The following LRRTM4 variants were observed in gnomAD, a reference collection of about 807,000 sequenced individuals.
LRRTM4 encodes the protein leucine rich repeat transmembrane neuronal 4, also known as leucine-rich repeat transmembrane neuronal protein 4.
LRRTM4 carries 25 observed loss-of-function variants against 47.6 expected under a neutral mutation model. The ratio of observed to expected loss-of-function variants is 0.53; its 90% CI spans 0.38 to 0.73. The LOEUF (loss-of-function observed/expected upper bound fraction) is 0.73, where lower values mean the gene tolerates loss of function less well. LRRTM4 is among the 30% of genes least tolerant of loss of function. The probability of loss-of-function intolerance (pLI) is 0.00; values close to 1 mark genes in which losing one functional copy is unlikely to be tolerated. For missense variants in LRRTM4, 638 were observed against 713.4 expected, an observed-to-expected ratio of 0.89 and a Z score of 1.20; for synonymous variants, 311 against 269.5, an observed-to-expected ratio of 1.15 and a Z score of -1.51.
chr2:77,442,309 T>A (rs1479467069), intron 3 of LRRTM4, among the ~76,000 whole-genome samples: 1 of 152,170 alleles, frequency 6.6e-6, no homozygotes, highest in African/African-American at 2.4e-5. Flanking sequence ...CATCATGTAT[T>A]TTCTTTGGCA....
At chr2:76,912,462 T>G (rs1251368673) in intron 3 of LRRTM4, among the ~76,000 whole-genome samples, 2 of 152,210 alleles carry the variant, frequency 1.3e-5, no homozygotes, top group African/African-American at 4.8e-5. Flanking sequence ...TGATCCACTT[T>G]AATTACTTTC....
chr2:77,073,400 AATT>A (rs199768113), intron 3 of LRRTM4, among the ~76,000 whole-genome samples: 2,405 of 150,476 alleles, frequency 0.016, 23 homozygotes, highest in Middle Eastern at 0.066. Context: ...TAAATACATT[AATT>A]ATTATTATCT....
intron 3 of LRRTM4, among the ~76,000 whole-genome samples, chr2:76,803,924 C>G (rs1171877923): frequency 6.6e-6 from 1 of 152,132 alleles, no homozygotes; most frequent in Non-Finnish European, 1.5e-5. Context: ...GACTAGCACG[C>G]AACAAAAACT....
At chr2:76,789,204 T>G (rs1014858157) in intron 3 of LRRTM4, among the ~76,000 whole-genome samples, 2 of 152,194 alleles carry the variant, frequency 1.3e-5, no homozygotes, top group African/African-American at 4.8e-5. Context: ...CTGCTTTGTT[T>G]TCTTCACACC....
chr2:77,055,078 C>T (rs1311271157), intron 3 of LRRTM4, among the ~76,000 whole-genome samples: 2 of 152,154 alleles, frequency 1.3e-5, no homozygotes, highest in Non-Finnish European at 2.9e-5. Context: ...GGTAACAGTG[C>T]CAGCAGAAGA....
At chr2:77,398,457 A>T (rs1264656703) in intron 3 of LRRTM4, among the ~76,000 whole-genome samples, 3 of 151,876 alleles carry the variant, frequency 2.0e-5, no homozygotes, top group African/African-American at 7.2e-5. Flanking sequence ...TCAGATAAAT[A>T]TATGAATATC....
intron 3 of LRRTM4, among the ~76,000 whole-genome samples, chr2:76,993,637 A>T (rs1677090951): frequency 6.6e-6 from 1 of 151,984 alleles, no homozygotes. Context: ...AGAAGAAGGA[A>T]TGCTTATACG....
chr2:77,206,240 G>A (rs1395007640), intron 3 of LRRTM4, among the ~76,000 whole-genome samples: 3 of 150,216 alleles, frequency 2.0e-5, no homozygotes, highest in African/African-American at 7.4e-5. Context: ...ATGAGGTGGT[G>A]CAATCTTTGC....
At chr2:76,892,742 T>A (rs943396808) in intron 3 of LRRTM4, among the ~76,000 whole-genome samples, 7 of 151,702 alleles carry the variant, frequency 4.6e-5, no homozygotes, top group African/African-American at 1.7e-4. Flanking sequence ...AGAAAGTCAC[T>A]GCAATTTTAA....
chr2:77,488,918 G>A (rs192996689), intron 3 of LRRTM4, among the ~76,000 whole-genome samples: 55 of 151,222 alleles, frequency 3.6e-4, no homozygotes, highest in Middle Eastern at 3.4e-3. Context: ...CATGTGCCAT[G>A]CAGCACACCA....
At chr2:77,477,932 AAAGAAAG>A (rs1677493556) in intron 3 of LRRTM4, among the ~76,000 whole-genome samples, 9 of 145,344 alleles carry the variant, frequency 6.2e-5, no homozygotes, top group South Asian at 4.6e-4. Flanking sequence ...AGAAAGAAAG[AAAGAAAG>A]AAAGAAAGAA....
intron 3 of LRRTM4, among the ~76,000 whole-genome samples, chr2:77,022,551 T>C (rs533904255): frequency 3.6e-4 from 55 of 152,276 alleles, no homozygotes; most frequent in Non-Finnish European, 6.9e-4. Flanking sequence ...ACTTCCTAGA[T>C]ACAATGGAGG....
chr2:77,503,484 C>A (rs1433754862), intron 3 of LRRTM4, among the ~76,000 whole-genome samples: 1 of 151,626 alleles, frequency 6.6e-6, no homozygotes, highest in Non-Finnish European at 1.5e-5. Context: ...TATCTGAATT[C>A]AGGTGTCAAA....
chr2:76,748,586 A>C lies in LRRTM4; in HGVS notation c.*109T>G. On this transcript the variant is annotated 3_prime_UTR_variant, in exon 4 of 4. Transcript: ENST00000409884. ...TTCTCTATGCCATAAATGTTTTAAC[A>C]GGAACGATGAGCTTGCTCGATTGCG... The C allele has an allele frequency of 1.1e-6, 1 of 875,728 alleles. No individual in the cohort carries two copies. The highest frequency in any genetic ancestry group is 1.8e-6 in the Non-Finnish European group (1 of 560,206). The allele number at this position is 875,728 out of a possible 1,614,324, so 54.2% of individuals were successfully genotyped here. A position where few individuals can be genotyped will look rare whatever the true frequency, so the allele number is the denominator to read the frequency against.
chr2:77,226,496 A>G (rs1214067842), intron 3 of LRRTM4, among the ~76,000 whole-genome samples: 1 of 149,924 alleles, frequency 6.7e-6, no homozygotes, highest in Non-Finnish European at 1.5e-5. Context: ...TCTGTCTCTC[A>G]TTATTTTCTA....
chr2:77,518,027 T>G, intron 3 of LRRTM4: 1 of 1,126,494 alleles, frequency 8.9e-7, no homozygotes, highest in Non-Finnish European at 1.1e-6. Flanking sequence ...TGTGTGTTTT[T>G]AAGTCCAACC....
intron 3 of LRRTM4, among the ~76,000 whole-genome samples, chr2:76,779,222 A>G (rs1381540053): frequency 1.3e-5 from 2 of 152,148 alleles, no homozygotes; most frequent in Non-Finnish European, 2.9e-5. Context: ...TGGTGCTGAA[A>G]AAAATGTATA....
intron 3 of LRRTM4, among the ~76,000 whole-genome samples, chr2:77,099,570 C>T (rs1670897959): frequency 6.6e-6 from 1 of 151,852 alleles, no homozygotes; most frequent in South Asian, 2.1e-4. Context: ...GTATCTAGGA[C>T]AACTTCAATA....
At chr2:76,831,461 A>G (rs1671350340) in intron 3 of LRRTM4, among the ~76,000 whole-genome samples, 1 of 152,064 alleles carries the variant, frequency 6.6e-6, no homozygotes, top group Non-Finnish European at 1.5e-5. Context: ...TACTCACTTA[A>G]ATGGTTTCTC....
Sources: allele counts gnomAD v4.1 joint callset (sites outside exome capture counted in the v4.1 genomes callset), GRCh38; gene constraint gnomAD v4.1.1; transcripts MANE v1.5; gene names NCBI Gene and HGNC (gene_info 2026-07-23, HGNC 2026-07-21).